The following MAGI2 variants were observed in gnomAD, a reference collection of about 807,000 sequenced individuals.
The protein encoded by MAGI2 is membrane-associated guanylate kinase, WW and PDZ domain-containing protein 2.
A neutral mutation model predicts 133.3 loss-of-function variants in MAGI2; 35 were observed. The ratio of observed to expected loss-of-function variants is 0.26; its 90% CI spans 0.20 to 0.35. The LOEUF is 0.35. Ranked by LOEUF, MAGI2 falls within the 10% of genes least tolerant of loss-of-function variation. The pLI is 1.00. For missense variants in MAGI2, 1,636 were observed against 1,863.4 expected, an observed-to-expected ratio of 0.88 and a Z score of 2.25; for synonymous variants, 729 against 710.6, an observed-to-expected ratio of 1.03 and a Z score of -0.41.
intron 3 of MAGI2, among the ~76,000 whole-genome samples, chr7:78,592,977 G>A (rs1008604268): frequency 2.0e-5 from 3 of 151,576 alleles, no homozygotes; most frequent in African/African-American, 7.3e-5. Context: ...TGGATCACAG[G>A]TACTTGCCAC....
chr7:79,321,386 T>C (rs1839167592), intron 1 of MAGI2, among the ~76,000 whole-genome samples: 1 of 152,184 alleles, frequency 6.6e-6, no homozygotes, highest in South Asian at 2.1e-4. Context: ...GACATAGCCA[T>C]ATATCCATGT....
At chr7:79,071,171 C>CTGTT (rs1191995422) in intron 1 of MAGI2, among the ~76,000 whole-genome samples, 3 of 152,178 alleles carry the variant, frequency 2.0e-5, no homozygotes, top group African/African-American at 7.2e-5. Flanking sequence ...CTATTCCTTT[C>CTGTT]TGTTTGCTAG....
At chr7:78,522,172 T>C (rs1164043246) in intron 3 of MAGI2, among the ~76,000 whole-genome samples, 1 of 152,170 alleles carries the variant, frequency 6.6e-6, no homozygotes, top group Non-Finnish European at 1.5e-5. Context: ...GTGGTTCCCA[T>C]GGCTGCTGAC....
At chr7:78,194,703 T>A (rs953497703) in intron 12 of MAGI2, among the ~76,000 whole-genome samples, 171 bp downstream of exon 12, 5 of 152,208 alleles carry the variant, frequency 3.3e-5, no homozygotes, top group Non-Finnish European at 5.9e-5. Context: ...ATAAACCGAC[T>A]TTTAGAGTCA....
chr7:79,417,614 T>C (rs1846624890), intron 1 of MAGI2, among the ~76,000 whole-genome samples: 2 of 152,130 alleles, frequency 1.3e-5, no homozygotes, highest in African/African-American at 2.4e-5. Context: ...TCCCAAAAGA[T>C]ACAGTAACAT....
Position 79,332,030 on chromosome 7 carries a change from A to T in MAGI2, c.301+120990T>A, listed in dbSNP as rs572577631. On this transcript the variant is annotated intron_variant, in intron 1 of 21. Transcript: ENST00000354212. ...AAAAGGTAGCATTTTTGAGCACTTT[A>T]TATGTGACAGGGGCTGCATTAAACC... 2.3e-3 allele frequency among the ~76,000 whole-genome samples: 349 copies of T among 152,204 alleles called. 1 individual carries two copies. Among genetic ancestry groups the T allele is most frequent in the Non-Finnish European group, 4.0e-3 (270 of 67,998 alleles).
intron 2 of MAGI2, among the ~76,000 whole-genome samples, chr7:78,916,646 G>C (rs73706520): frequency 0.029 from 4,455 of 152,220 alleles, 185 homozygotes; most frequent in African/African-American, 0.096. Context: ...AGTTAGAGCA[G>C]AAAGGATGGA....
intron 2 of MAGI2, among the ~76,000 whole-genome samples, chr7:79,002,813 T>G (rs1807012688): frequency 6.6e-6 from 1 of 151,916 alleles, no homozygotes; most frequent in Admixed American, 6.6e-5. Context: ...CAATTCTATT[T>G]CTGTGACCAT....
chr7:78,167,933 C>T lies in MAGI2; in HGVS notation c.2579G>A (p.Arg860Lys), dbSNP rs375028312. Residue 860 changes from arginine to lysine, a missense_variant, in exon 15 of 22, where the codon AGA becomes AAA. By Grantham distance (26) the Arg-to-Lys change is conservative. Around this residue, in one of 5 missense-constraint regions of MAGI2, gnomAD observed 920 missense variants for 1,093.5 expected, o/e 0.84. Coordinates refer to ENST00000354212, the MANE Select transcript of MAGI2 (RefSeq NM_012301.4). The part of the protein sequence containing the change: ...RNGQVNLTVR[R>K]KVLCGGEPCP... ...GTACATACCTCCACATAGCACCTTT[C>T]TTCTCACAGTGAGGTTGACCTGCCC... 5 of 1,614,016 alleles carry T rather than the reference C, an allele frequency of 3.1e-6. No homozygotes were observed. The highest frequency in any genetic ancestry group is 4.2e-6 in the Non-Finnish European group (5 of 1,179,994).
chr7:79,125,102 A>C, intron 1 of MAGI2: 1 of 281,346 alleles, frequency 3.6e-6, no homozygotes, highest in Non-Finnish European at 7.0e-6. Context: ...CTAAGAGACT[A>C]TTTGGAACAG....
rs1011967219 is a variant in MAGI2 at position 79,214,685 on chromosome 7, A to T, written c.302-207479T>A. On this transcript the variant is annotated intron_variant, in intron 1 of 21. Coordinates refer to ENST00000354212, the MANE Select transcript of MAGI2 (RefSeq NM_012301.4). ...TATAATTATGAAATATAAATATATA[A>T]TATATATTTATACATAAATATACAT... Among the ~76,000 whole-genome samples, 5 of 139,926 alleles carry T rather than the reference A, an allele frequency of 3.6e-5. No individual in the cohort carries two copies. The East Asian group carries it at 1.0e-3, about 28-fold the overall frequency. 91.8% of individuals were successfully genotyped at this position (139,926 alleles called of 152,430 possible).
At chr7:78,434,131 G>A (rs898641305) in intron 6 of MAGI2, among the ~76,000 whole-genome samples, 4 of 152,088 alleles carry the variant, frequency 2.6e-5, no homozygotes, top group Non-Finnish European at 4.4e-5. Flanking sequence ...CAAAGCCTAA[G>A]TACTTAGCTC....
At chr7:79,233,977 T>C (rs1244393605) in intron 1 of MAGI2, among the ~76,000 whole-genome samples, 2 of 146,930 alleles carry the variant, frequency 1.4e-5, no homozygotes, top group East Asian at 4.0e-4. Context: ...GGAGCTCTTT[T>C]AGGGCAGGCC....
chr7:78,461,237 A>T (rs1789955273), intron 6 of MAGI2, among the ~76,000 whole-genome samples: 1 of 152,200 alleles, frequency 6.6e-6, no homozygotes, highest in Non-Finnish European at 1.5e-5. Context: ...GTCAATAAAA[A>T]TATTTTTAAC....
At chr7:78,911,664 G>GTA (rs71973554) in intron 2 of MAGI2, among the ~76,000 whole-genome samples, 214 of 149,088 alleles carry the variant, frequency 1.4e-3, no homozygotes, top group Admixed American at 2.9e-3. Flanking sequence ...AATTATGTGT[G>GTA]TATATATATA....
intron 21 of MAGI2, 48 bp from the exon 22 acceptor site, chr7:78,020,024 C>T: frequency 1.3e-6 from 2 of 1,501,158 alleles, no homozygotes; most frequent in Non-Finnish European, 1.8e-6. Flanking sequence ...GCAGGACGTC[C>T]CCGTGCCCTC....
intron 2 of MAGI2, among the ~76,000 whole-genome samples, chr7:78,842,237 T>C (rs754979401): frequency 8.6e-5 from 13 of 151,960 alleles, no homozygotes; most frequent in Non-Finnish European, 1.9e-4. Context: ...AAGAACCTCC[T>C]GTAAGGAGAG....
chr7:78,384,347 G>C (rs1343876969), intron 6 of MAGI2, among the ~76,000 whole-genome samples: 1 of 152,108 alleles, frequency 6.6e-6, no homozygotes, highest in Non-Finnish European at 1.5e-5. Flanking sequence ...GGATCAGATA[G>C]TTTCAGGCAG....
At chr7:78,878,196 G>A (rs1254735984) in intron 2 of MAGI2, among the ~76,000 whole-genome samples, 1 of 152,160 alleles carries the variant, frequency 6.6e-6, no homozygotes, top group Non-Finnish European at 1.5e-5. Context: ...ATATATGCCT[G>A]ACTCAATGAA....
Sources: allele counts gnomAD v4.1 joint callset (sites outside exome capture counted in the v4.1 genomes callset), GRCh38; gene constraint gnomAD v4.1.1; regional missense constraint gnomAD v4.1.1; transcripts MANE v1.5; gene names NCBI Gene and HGNC (gene_info 2026-07-23, HGNC 2026-07-21).